MACROD2: variants seen among roughly 807,000 people sequenced by gnomAD.
MACROD2 encodes ADP-ribose glycohydrolase MACROD2.
A neutral mutation model predicts 70.4 loss-of-function variants in MACROD2; 36 were observed. That is an observed-to-expected ratio of 0.51 (90% confidence interval 0.39 to 0.68). The LOEUF (loss-of-function observed/expected upper bound fraction) is 0.68, where lower values mean the gene tolerates loss of function less well. Ranked by LOEUF, MACROD2 falls within the 30% of genes least tolerant of loss-of-function variation. The pLI is 0.00. For synonymous variants in MACROD2, 172 were observed against 178.8 expected (o/e 0.96, Z 0.30); for missense variants, 496 against 538.4 (o/e 0.92, Z 0.78).
At chr20:14,376,905 T>G (rs571587762) in intron 3 of MACROD2, among the ~76,000 whole-genome samples, 1 of 152,154 alleles carries the variant, frequency 6.6e-6, no homozygotes, top group South Asian at 2.1e-4. Context: ...ATCTGTTTTC[T>G]TATCTATAAA....
chr20:15,080,349 A>G (rs1242626566), intron 5 of MACROD2, among the ~76,000 whole-genome samples: 2 of 152,106 alleles, frequency 1.3e-5, no homozygotes, highest in Non-Finnish European at 2.9e-5. Flanking sequence ...CTTACCAAAT[A>G]CACTGGTCAG....
chr20:14,691,266 T>G (rs1037631164), intron 5 of MACROD2, among the ~76,000 whole-genome samples: 1 of 152,186 alleles, frequency 6.6e-6, no homozygotes, highest in African/African-American at 2.4e-5. Context: ...AGAGACTAAA[T>G]ATTGAATTTT....
At chr20:15,142,649 T>C (rs560063140) in intron 5 of MACROD2, among the ~76,000 whole-genome samples, 1 of 151,368 alleles carries the variant, frequency 6.6e-6, no homozygotes, top group Admixed American at 6.6e-5. Context: ...CTCCTAATGC[T>C]ATCCCTCCTC....
At chr20:15,984,434 A>G (rs2066447902) in intron 13 of MACROD2, among the ~76,000 whole-genome samples, 1 of 151,960 alleles carries the variant, frequency 6.6e-6, no homozygotes, top group Admixed American at 6.5e-5. Flanking sequence ...GGTACTCAGG[A>G]GGCCTTATTA....
intron 4 of MACROD2, among the ~76,000 whole-genome samples, chr20:14,574,202 A>G (rs1980410522): frequency 6.6e-6 from 1 of 152,056 alleles, no homozygotes; most frequent in Non-Finnish European, 1.5e-5. Context: ...CAGGCTCTGT[A>G]TCTTCTTTCT....
chr20:15,862,900 G>T, intron 9 of MACROD2, 74 bp downstream of exon 9: 1 of 1,121,976 alleles, frequency 8.9e-7, no homozygotes, highest in South Asian at 1.4e-5. Context: ...TATTCCTATT[G>T]TTTTTCATCT....
At chr20:14,002,206 C>G (rs983389460) in intron 1 of MACROD2, 82 bp from the exon 2 acceptor site, 3 of 823,266 alleles carry the variant, frequency 3.6e-6, no homozygotes, top group Non-Finnish European at 5.6e-6. Context: ...GTTAGCTTAA[C>G]TTGGTTAATA....
chr20:14,240,023 A>G (rs2081914730), intron 3 of MACROD2, among the ~76,000 whole-genome samples: 1 of 152,240 alleles, frequency 6.6e-6, no homozygotes, highest in South Asian at 2.1e-4. Context: ...AAAGTGGGCA[A>G]TGGACGTGAA....
At chr20:15,329,728 G>C (rs796123384) in intron 6 of MACROD2, among the ~76,000 whole-genome samples, 2 of 152,110 alleles carry the variant, frequency 1.3e-5, no homozygotes, top group African/African-American at 2.4e-5. Context: ...TATGCTAGTG[G>C]TTCTCAAAGG....
At chr20:15,722,124 T>C (rs918012952) in intron 8 of MACROD2, among the ~76,000 whole-genome samples, 20 of 152,234 alleles carry the variant, frequency 1.3e-4, no homozygotes, top group African/African-American at 4.6e-4. Context: ...CCATAATTTA[T>C]ATATTCAACT....
intron 5 of MACROD2, among the ~76,000 whole-genome samples, chr20:14,925,764 G>A (rs1321652496): frequency 1.3e-5 from 2 of 152,078 alleles, no homozygotes; most frequent in Admixed American, 1.3e-4. Context: ...TATGTTTATT[G>A]TACAACAGTA....
intron 8 of MACROD2, among the ~76,000 whole-genome samples, chr20:15,665,377 T>C (rs1008376214): frequency 1.3e-5 from 2 of 152,128 alleles, no homozygotes; most frequent in Non-Finnish European, 2.9e-5. Flanking sequence ...ACAAATAATA[T>C]GGTAATAAGA....
At chr20:15,418,667 T>A (rs1340406090) in intron 6 of MACROD2, among the ~76,000 whole-genome samples, 1 of 152,124 alleles carries the variant, frequency 6.6e-6, no homozygotes, top group African/African-American at 2.4e-5. Context: ...AAGCCAAGGA[T>A]CCATAATAAC....
At chr20:16,001,436 T>C (rs2066707499) in intron 15 of MACROD2, among the ~76,000 whole-genome samples, 1 of 152,240 alleles carries the variant, frequency 6.6e-6, no homozygotes, top group South Asian at 2.1e-4. Flanking sequence ...TGTATGTGAT[T>C]GCTTTATTTC....
intron 5 of MACROD2, among the ~76,000 whole-genome samples, chr20:15,155,292 G>A (rs17700500): frequency 0.094 from 14,340 of 152,170 alleles, 713 homozygotes; most frequent in South Asian, 0.14. Flanking sequence ...ACTTTAGGCT[G>A]CAATCCTGTC....
intron 5 of MACROD2, among the ~76,000 whole-genome samples, chr20:14,765,570 A>G (rs2072076103): frequency 6.6e-6 from 1 of 152,112 alleles, no homozygotes; most frequent in South Asian, 2.1e-4. Flanking sequence ...TGGTGGTGAG[A>G]ATAGAACCAT....
chr20:15,244,681 A>G (rs2077090404), intron 6 of MACROD2, among the ~76,000 whole-genome samples: 1 of 152,220 alleles, frequency 6.6e-6, no homozygotes, highest in Non-Finnish European at 1.5e-5. Context: ...TTTCTCTGCT[A>G]AAAGATCTCA....
In MACROD2 at chr20:14,436,150, G is replaced by GA. The variant is rs1046595263; in HGVS notation, c.272-57319dup. 2.1e-3 allele frequency among the ~76,000 whole-genome samples: 309 copies of GA among 148,646 alleles called. 3 individuals are homozygous for GA. The highest frequency in any genetic ancestry group is 6.9e-3 in the African/African-American group (279 of 40,504). On this transcript the variant is annotated intron_variant, in intron 3 of 17. Transcript: ENST00000684519. The stretch of plus-strand genomic sequence containing the variant: ...GTTTCACCCACGTGCTAAAGCAAAA[G>GA]AAAAAAAAAAGTGCCAAAAGTCTTA...
rs1195877119 is a variant in MACROD2, at chr20:14,788,763, G to GTTTT, written c.418+103824_418+103827dup. Among the ~76,000 whole-genome samples, 628 of 79,460 alleles carry GTTTT rather than the reference G, an allele frequency of 7.9e-3. 16 individuals are homozygous for GTTTT. Among genetic ancestry groups the GTTTT allele is most frequent in the Middle Eastern group, 0.013 (1 of 78 alleles). 52.1% of individuals were successfully genotyped at this position (79,460 alleles called of 152,430 possible). On this transcript the variant is annotated intron_variant, in intron 5 of 17. Coordinates refer to ENST00000684519, the MANE Select transcript of MACROD2 (RefSeq NM_001351661.2). ...AAAAATTCCTCAAACTAGTGGTGGT[G>GTTTT]TTTTTTTTTTTTTTTTTTTTTTTGA...
Sources: gnomAD v4.1 joint callset for allele counts (sites outside exome capture counted in the v4.1 genomes callset) on GRCh38, gnomAD v4.1.1 for gene constraint, MANE v1.5 for transcripts, NCBI Gene and HGNC (gene_info 2026-07-23, HGNC 2026-07-21) for gene names.